TNFRSF19: variants seen among roughly 807,000 people sequenced by gnomAD.
TNFRSF19 encodes the protein TNF receptor superfamily member 19, also known as tumor necrosis factor receptor superfamily member 19.
In TNFRSF19, 27 loss-of-function variants were observed where a neutral mutation model predicts 46.4. The observed-to-expected ratio is 0.58, with a 90% CI of 0.43 to 0.80. TNFRSF19 has a LOEUF of 0.80. TNFRSF19 is among the 30% of genes least tolerant of loss of function. The pLI, the probability that TNFRSF19 is intolerant of heterozygous loss-of-function variation, is 0.00. For synonymous variants in TNFRSF19, 204 were observed against 205.0 expected (o/e 1.00, Z 0.04); for missense variants, 511 against 530.8 (o/e 0.96, Z 0.37).
intron 1 of TNFRSF19, among the ~76,000 whole-genome samples, chr13:23,579,692 A>G (rs1476677936): frequency 6.6e-6 from 1 of 152,020 alleles, no homozygotes; most frequent in African/African-American, 2.4e-5. Flanking sequence ...CGGCGAAGGG[A>G]ACCCCCGAAG....
At chr13:23,669,709 G>A in intron 9 of TNFRSF19, 2 of 985,366 alleles carry the variant, frequency 2.0e-6, no homozygotes, top group Non-Finnish European at 2.4e-6. Flanking sequence ...GGCACCTGCA[G>A]AGAGATGGGG....
chr13:23,600,217 C>G (rs909497142), intron 3 of TNFRSF19, among the ~76,000 whole-genome samples: 7 of 152,116 alleles, frequency 4.6e-5, no homozygotes, highest in African/African-American at 1.4e-4. Context: ...TAGAGGTTGT[C>G]ACTCTATCCC....
At position 23,648,577 on chromosome 13, in the gene TNFRSF19, T is replaced by A. The variant is rs61388799; in HGVS notation, c.446-10473T>A. ...CCTTCCCAGTTTGGATGCTTTTATT[T>A]CTTTTTCTTGAGTAATTTCTCTGGC... is the stretch of plus-strand genomic sequence containing the variant. On this transcript the variant is annotated intron_variant, in intron 5 of 9. Coordinates refer to ENST00000248484, the MANE Select transcript of TNFRSF19 (RefSeq NM_148957.4). 7.0e-3 allele frequency among the ~76,000 whole-genome samples: 1,071 copies of A among 152,312 alleles called. 14 individuals carry two copies. The highest frequency in any genetic ancestry group is 0.025 in the African/African-American group (1,036 of 41,580).
Position 23,616,045 on chromosome 13 carries a change from G to A in TNFRSF19, c.359G>A (p.Gly120Glu). 6.3e-7 allele frequency: 1 copy of A among 1,586,142 alleles called. No individual in the cohort carries two copies. The highest frequency in any genetic ancestry group is 1.1e-5 in the South Asian group (1 of 87,732). The change falls in exon 4 of 10, where the codon GGA becomes GAA. Residue 120 changes from glycine to glutamate, a missense_variant and splice_region_variant. Physicochemically the swap from Gly to Glu is moderately conservative, Grantham distance 98. This residue lies in a region of TNFRSF19 where 14 missense variants were observed against 34.1 expected (regional missense o/e 0.41). Transcript: ENST00000248484. ...SDAICGDCLP[G>E]FYRKTKLVGF... ...GCCATCTGCGGGGACTGCTTGCCAG[G>A]GTGAGTTGGCCAGTTTCTTTCACTT...
At chr13:23,651,912 A>G (rs1883674820) in intron 5 of TNFRSF19, among the ~76,000 whole-genome samples, 1 of 150,240 alleles carries the variant, frequency 6.7e-6, no homozygotes, top group Non-Finnish European at 1.5e-5. Context: ...AAAAAAAAAA[A>G]AAAAGCATAA....
chr13:23,576,288 C>G (rs1323377690), intron 1 of TNFRSF19, among the ~76,000 whole-genome samples: 1 of 152,086 alleles, frequency 6.6e-6, no homozygotes, highest in African/African-American at 2.4e-5. Flanking sequence ...CACCTGCCAC[C>G]ATGCCTGGCT....
At chr13:23,601,421 CT>C (rs1880156877) in intron 3 of TNFRSF19, among the ~76,000 whole-genome samples, 1 of 152,092 alleles carries the variant, frequency 6.6e-6, no homozygotes, top group Non-Finnish European at 1.5e-5. Context: ...CAAATAAAGA[CT>C]TTCTCAATCA....
chr13:23,626,187 C>CTG (rs35509472), intron 4 of TNFRSF19, among the ~76,000 whole-genome samples: 5,945 of 145,472 alleles, frequency 0.041, 123 homozygotes, highest in Non-Finnish European at 0.049. Flanking sequence ...TCTTTAAAAT[C>CTG]TGTGTGTGTG....
At chr13:23,614,610 G>A (rs554498270) in intron 3 of TNFRSF19, among the ~76,000 whole-genome samples, 3 of 152,198 alleles carry the variant, frequency 2.0e-5, no homozygotes, top group African/African-American at 7.2e-5. Context: ...CTGCCTGCAT[G>A]GGTGCCCTTC....
intron 5 of TNFRSF19, among the ~76,000 whole-genome samples, chr13:23,647,735 T>C (rs905979801): frequency 2.6e-5 from 4 of 152,242 alleles, no homozygotes; most frequent in African/African-American, 9.6e-5. Context: ...AGGTCTCTGA[T>C]CTATTTTTAG....
In TNFRSF19 at chr13:23,636,075, A is replaced by G. The variant is rs61052668; in HGVS notation, c.445+9283A>G. Among the ~76,000 whole-genome samples, 438 of 152,192 alleles carry G rather than the reference A, an allele frequency of 2.9e-3. 3 individuals are homozygous for G. Among genetic ancestry groups the G allele is most frequent in the African/African-American group, 1.0e-2 (415 of 41,518 alleles). On this transcript the variant is annotated intron_variant, in intron 5 of 9. Transcript: ENST00000248484. ...TCCGTTAGTGAGACGTCTAGGGGAT[A>G]TGGTTTAGGCATCTTTTTGCTCTAT...
At chr13:23,589,181 T>A (rs1413078) in intron 1 of TNFRSF19, among the ~76,000 whole-genome samples, 151,744 of 152,358 alleles carry the variant, frequency 1, 75,575 homozygotes, top group Middle Eastern at 1. Context: ...TACCTGATGG[T>A]GCAGCCAGAT....
intron 1 of TNFRSF19, among the ~76,000 whole-genome samples, chr13:23,589,436 C>T (rs1435756045): frequency 6.6e-6 from 1 of 152,190 alleles, no homozygotes; most frequent in African/African-American, 2.4e-5. Flanking sequence ...GGAAAGAATT[C>T]ATAAATGCAA....
intron 4 of TNFRSF19, among the ~76,000 whole-genome samples, chr13:23,616,392 C>A (rs914780062): frequency 6.6e-6 from 1 of 152,162 alleles, no homozygotes; most frequent in Non-Finnish European, 1.5e-5. Context: ...GACTGGCAAT[C>A]CTCTGACAAT....
chr13:23,587,524 G>A (rs1270436792), intron 1 of TNFRSF19, among the ~76,000 whole-genome samples: 3 of 152,122 alleles, frequency 2.0e-5, no homozygotes, highest in African/African-American at 4.8e-5. Context: ...ACCAATGTTT[G>A]TTGAATAAAT....
At chr13:23,578,486 C>A (rs979094972) in intron 1 of TNFRSF19, among the ~76,000 whole-genome samples, 1 of 152,172 alleles carries the variant, frequency 6.6e-6, no homozygotes, top group Non-Finnish European at 1.5e-5. Context: ...CCTATTCACT[C>A]ATTCATTCAA....
At chr13:23,606,319 T>G (rs1182056656) in intron 3 of TNFRSF19, among the ~76,000 whole-genome samples, 1 of 151,544 alleles carries the variant, frequency 6.6e-6, no homozygotes, top group Non-Finnish European at 1.5e-5. Flanking sequence ...ATGTACTTAT[T>G]TCATTTGTTC....
intron 3 of TNFRSF19, among the ~76,000 whole-genome samples, chr13:23,596,834 T>C (rs1879767384): frequency 6.6e-6 from 1 of 152,138 alleles, no homozygotes; most frequent in African/African-American, 2.4e-5. Flanking sequence ...TACTCTAAAA[T>C]TGACCACATA....
intron 1 of TNFRSF19, among the ~76,000 whole-genome samples, chr13:23,583,458 G>A (rs1878602950): frequency 6.6e-6 from 1 of 152,194 alleles, no homozygotes; most frequent in Non-Finnish European, 1.5e-5. Flanking sequence ...AAAGTAAGAT[G>A]TTTAAACAGT....
Sources: allele counts gnomAD v4.1 joint callset (sites outside exome capture counted in the v4.1 genomes callset), GRCh38; gene constraint gnomAD v4.1.1; regional missense constraint gnomAD v4.1.1; transcripts MANE v1.5; gene names NCBI Gene and HGNC (gene_info 2026-07-23, HGNC 2026-07-21).